The following MLKL variants were observed in gnomAD, a reference collection of about 807,000 sequenced individuals.
The protein encoded by MLKL is mixed lineage kinase domain like pseudokinase.
In MLKL, 55 loss-of-function variants were observed where a neutral mutation model predicts 56.5. That is an observed-to-expected ratio of 0.97 (90% CI 0.78 to 1.22). The LOEUF (loss-of-function observed/expected upper bound fraction) is 1.22. MLKL is among the 50% of genes most tolerant of loss of function. The pLI is 0.00. For missense variants in MLKL, 694 were observed against 573.9 expected (o/e 1.21, Z -2.14); for synonymous variants, 251 against 208.3 (o/e 1.20, Z -1.76).
chr16:74,684,609 C>T (rs909843826), intron 5 of MLKL, among the ~76,000 whole-genome samples: 1 of 151,690 alleles, frequency 6.6e-6, no homozygotes, highest in Non-Finnish European at 1.5e-5. Flanking sequence ...ATTCTCCTGC[C>T]TCAGCCTCCC....
rs768172011 is a variant in MLKL at position 74,672,498 on chromosome 16, G to A, written c.*6C>T. ...CCAGAGACTCCTTGGTTTAGATTTTGATACACTACTTAGAAAAGGTGGAGA... is the reference window on the plus strand; with the variant it reads ...CCAGAGACTCCTTGGTTTAGATTTTAATACACTACTTAGAAAAGGTGGAGA... On this transcript the variant is annotated 3_prime_UTR_variant, in exon 11 of 11. Transcript: ENST00000308807. 1 of 1,613,054 alleles carries A rather than the reference G, an allele frequency of 6.2e-7. No individual in the cohort carries two copies. The highest frequency in any genetic ancestry group is 2.2e-5 in the East Asian group (1 of 44,884).
Position 74,691,678 on chromosome 16 carries a change from G to C in MLKL, c.536-215C>G, listed in dbSNP as rs74639188. Among the ~76,000 whole-genome samples the C allele has an allele frequency of 9.4e-3, 1,435 of 152,224 alleles. 23 individuals are homozygous for C. The highest frequency in any genetic ancestry group is 0.033 in the African/African-American group (1,365 of 41,536). On this transcript the variant is annotated intron_variant, in intron 3 of 10. Transcript: ENST00000308807. Reference sequence around the variant, plus strand: ...GACACAGCTGGACAGTTAACAGAATGTGTCATCCACTTCCTTTCCCTCCTC... The same window carrying C: ...GACACAGCTGGACAGTTAACAGAATCTGTCATCCACTTCCTTTCCCTCCTC...
chr16:74,691,148 T>C (rs1306358663), intron 4 of MLKL, 129 bp downstream of exon 4: 1 of 763,090 alleles, frequency 1.3e-6, no homozygotes, highest in East Asian at 2.7e-5. Context: ...TCCTTAACAG[T>C]GGAGAGCACA....
intron 10 of MLKL, among the ~76,000 whole-genome samples, chr16:74,674,098 C>A (rs1361724495): frequency 6.6e-6 from 1 of 152,036 alleles, no homozygotes. Flanking sequence ...ATTGGGGCTG[C>A]CAGAGAGTTC....
chr16:74,699,181 G>A (rs1368949639), intron 1 of MLKL, among the ~76,000 whole-genome samples: 4 of 152,030 alleles, frequency 2.6e-5, no homozygotes. Context: ...GAAGAAAGGA[G>A]GAAAGAGAAG....
intron 5 of MLKL, among the ~76,000 whole-genome samples, chr16:74,684,740 C>A (rs180896377): frequency 6.6e-6 from 1 of 152,114 alleles, no homozygotes; most frequent in African/African-American, 2.4e-5. Context: ...GTGATCCACC[C>A]ACCTCAGCCT....
chr16:74,692,751 A>G (rs187309489), intron 2 of MLKL, among the ~76,000 whole-genome samples: 5 of 152,388 alleles, frequency 3.3e-5, no homozygotes, highest in Admixed American at 2.0e-4. Context: ...GTGCTATACT[A>G]TTGAAAGTAT....
At chr16:74,682,920 C>T in intron 5 of MLKL, 134 bp from the exon 6 acceptor site, 2 of 1,100,086 alleles carry the variant, frequency 1.8e-6, no homozygotes, top group Non-Finnish European at 2.6e-6. Flanking sequence ...CAATCCTCAG[C>T]CCACAGTTTT....
chr16:74,687,826 G>C (rs569667174), intron 4 of MLKL, among the ~76,000 whole-genome samples: 1 of 148,890 alleles, frequency 6.7e-6, no homozygotes, highest in Admixed American at 6.7e-5. Flanking sequence ...CTGCCACCAC[G>C]CCTGGCTATT....
In MLKL at chr16:74,675,114, C is replaced by A. The variant is rs1205259810; in HGVS notation, c.1241-14G>T. ...CAGAATTACAGCCTGGAAATGATAG[C>A]ATGAGAGCCTCAAAAAATTGCTCCG... On this transcript the variant is annotated splice_polypyrimidine_tract_variant and intron_variant, in intron 9 of 10. Coordinates refer to ENST00000308807, the MANE Select transcript of MLKL (RefSeq NM_152649.4). 1 of 1,612,940 alleles carries A rather than the reference C, an allele frequency of 6.2e-7. No homozygotes were observed. Among genetic ancestry groups the A allele is most frequent in the Admixed American group, 1.7e-5 (1 of 59,812 alleles).
At chr16:74,694,907 C>T (rs1960929370) in intron 2 of MLKL, among the ~76,000 whole-genome samples, 1 of 152,174 alleles carries the variant, frequency 6.6e-6, no homozygotes, top group South Asian at 2.1e-4. Context: ...GAGTCTCGCT[C>T]TGTCGCCCAG....
At chr16:74,684,153 G>A (rs2144500393) in intron 5 of MLKL, among the ~76,000 whole-genome samples, 1 of 151,912 alleles carries the variant, frequency 6.6e-6, no homozygotes, top group African/African-American at 2.4e-5. Context: ...TTATCATGTT[G>A]GCCAGGCTGG....
intron 2 of MLKL, among the ~76,000 whole-genome samples, chr16:74,694,758 A>G (rs990623108): frequency 6.6e-6 from 1 of 152,174 alleles, no homozygotes; most frequent in Non-Finnish European, 1.5e-5. Context: ...ACCCTGTCTC[A>G]AAAAATGAAA....
intron 5 of MLKL, among the ~76,000 whole-genome samples, chr16:74,683,083 G>T (rs924121854): frequency 2.0e-5 from 3 of 152,172 alleles, no homozygotes; most frequent in Non-Finnish European, 2.9e-5. Context: ...GACCAATGTG[G>T]GTGGAACACA....
chr16:74,684,354 A>G (rs1960184239), intron 5 of MLKL, among the ~76,000 whole-genome samples: 1 of 148,480 alleles, frequency 6.7e-6, no homozygotes, highest in Non-Finnish European at 1.5e-5. Flanking sequence ...TCCAATCTCT[A>G]GGCAAGACGG....
intron 6 of MLKL, among the ~76,000 whole-genome samples, chr16:74,679,754 G>T (rs1959823187): frequency 6.6e-6 from 1 of 152,110 alleles, no homozygotes; most frequent in South Asian, 2.1e-4. Flanking sequence ...GGTGGAGTTT[G>T]CAGTGAGCCG....
chr16:74,691,233 A>G (rs753044698), intron 4 of MLKL, 44 bp downstream of exon 4: 16 of 1,527,634 alleles, frequency 1.0e-5, no homozygotes, highest in Non-Finnish European at 1.3e-5. Flanking sequence ...GGAGAGTTAG[A>G]GTAAGTATTG....
intron 4 of MLKL, among the ~76,000 whole-genome samples, chr16:74,687,384 T>C (rs1470765620): frequency 6.6e-6 from 1 of 151,944 alleles, no homozygotes; most frequent in African/African-American, 2.4e-5. Flanking sequence ...ACAGGTTCAA[T>C]GCAATCCTTA....
At chr16:74,682,425 A>C (rs752496676) in intron 6 of MLKL, among the ~76,000 whole-genome samples, 2 of 152,164 alleles carry the variant, frequency 1.3e-5, no homozygotes. Flanking sequence ...ATCCAACTCT[A>C]TAAGTGCAGT....
Sources: gnomAD v4.1 joint callset for allele counts (sites outside exome capture counted in the v4.1 genomes callset) on GRCh38, gnomAD v4.1.1 for gene constraint, MANE v1.5 for transcripts, NCBI Gene and HGNC (gene_info 2026-07-23, HGNC 2026-07-21) for gene names.